ALK: variants seen among roughly 807,000 people sequenced by gnomAD.
ALK encodes the protein ALK receptor tyrosine kinase.
Under a neutral mutation model 163.1 loss-of-function variants are expected in ALK, and 74 were observed. That is an observed-to-expected ratio of 0.45 (90% CI 0.38 to 0.55). The LOEUF (loss-of-function observed/expected upper bound fraction) is 0.55. Among genes scored for constraint, ALK ranks in the 20% least tolerant of loss-of-function variants. The pLI is 0.00. For missense variants in ALK, 2,063 were observed against 2,105.3 expected, an observed-to-expected ratio of 0.98 and a Z score of 0.39; for synonymous variants, 960 against 843.2, an observed-to-expected ratio of 1.14 and a Z score of -2.40.
In ALK at chr2:29,910,013, AAAG is replaced by A. The variant is rs1667660795; in HGVS notation, c.667+9977_667+9979del. 2.0e-5 allele frequency among the ~76,000 whole-genome samples: 3 copies of A among 151,884 alleles called. No individual in the cohort carries two copies. The South Asian group carries it at 6.2e-4, about 31-fold the overall frequency. On this transcript the variant is annotated intron_variant, in intron 1 of 28. Coordinates refer to ENST00000389048, the MANE Select transcript of ALK (RefSeq NM_004304.5). ...AAAAAAAAACAACTGCAAGGTATGC[AAAG>A]AAGCAGGAAAATGTGACCTATTTCC...
intron 1 of ALK, among the ~76,000 whole-genome samples, chr2:29,838,357 A>T (rs1007129511): frequency 6.6e-6 from 1 of 152,194 alleles, no homozygotes; most frequent in Non-Finnish European, 1.5e-5. Context: ...ACAAATCTAC[A>T]GATCTAAGAA....
At chr2:29,890,634 T>C (rs1439247048) in intron 1 of ALK, 2 of 152,200 alleles carry the variant, frequency 1.3e-5, no homozygotes, top group African/African-American at 4.8e-5. Context: ...GTATATTCTC[T>C]CTCCACGGCC....
chr2:29,792,570 G>A (rs890223755), intron 1 of ALK, among the ~76,000 whole-genome samples: 6 of 152,102 alleles, frequency 3.9e-5, no homozygotes, highest in Non-Finnish European at 7.4e-5. Flanking sequence ...GATTTTCTAA[G>A]ATTAAAATCA....
intron 4 of ALK, among the ~76,000 whole-genome samples, chr2:29,455,416 C>T (rs569121551): frequency 6.6e-5 from 10 of 152,192 alleles, no homozygotes; most frequent in Non-Finnish European, 1.5e-4. Flanking sequence ...TTGGAGACTT[C>T]TGCTGTCCTG....
At chr2:29,326,141 G>A (rs187057418) in intron 6 of ALK, among the ~76,000 whole-genome samples, 1 of 152,202 alleles carries the variant, frequency 6.6e-6, no homozygotes, top group East Asian at 1.9e-4. Flanking sequence ...CTTTTCAAAT[G>A]TGGCTGAAAA....
At chr2:29,528,218 A>C (rs1673014085) in intron 4 of ALK, among the ~76,000 whole-genome samples, 1 of 152,192 alleles carries the variant, frequency 6.6e-6, no homozygotes, top group Non-Finnish European at 1.5e-5. Context: ...CTGCTGTGGG[A>C]AAAAGTCATG....
At chr2:29,366,277 T>C (rs913745490) in intron 5 of ALK, among the ~76,000 whole-genome samples, 3 of 151,974 alleles carry the variant, frequency 2.0e-5, no homozygotes, top group Non-Finnish European at 4.4e-5. Flanking sequence ...AGAGGGGCCC[T>C]GCAGGAGCAA....
In ALK at chr2:29,288,958, ATAAATAAAT is replaced by A. The variant is rs1216995644; in HGVS notation, c.1817+7921_1817+7929del. 2.2e-3 allele frequency among the ~76,000 whole-genome samples: 248 copies of A among 112,920 alleles called. 22 individuals are homozygous for A. The highest frequency in any genetic ancestry group is 7.8e-3 in the African/African-American group (235 of 29,968). 74.1% of individuals were successfully genotyped at this position (112,920 alleles called of 152,430 possible). ...CAGAGGGAGACTCCTTCTCAAAAAA[ATAAATAAAT>A]AAATAAATAAATAAATAAATAAATA... On this transcript the variant is annotated intron_variant, in intron 9 of 28. Transcript: ENST00000389048.
At chr2:29,655,110 GA>G (rs1479942863) in intron 3 of ALK, among the ~76,000 whole-genome samples, 3 of 152,088 alleles carry the variant, frequency 2.0e-5, no homozygotes, top group Non-Finnish European at 4.4e-5. Context: ...ATACTAATAG[GA>G]AAGTGCAAAA....
intron 1 of ALK, among the ~76,000 whole-genome samples, chr2:29,906,254 A>G (rs1205550341): frequency 1.3e-5 from 2 of 152,108 alleles, no homozygotes; most frequent in African/African-American, 2.4e-5. Flanking sequence ...TTCTCATTAT[A>G]TATTTATTTG....
At chr2:29,514,061 A>C (rs1202270533) in intron 4 of ALK, among the ~76,000 whole-genome samples, 1 of 101,206 alleles carries the variant, frequency 9.9e-6, no homozygotes, top group East Asian at 3.6e-4. Context: ...GAGACTGTAA[A>C]CTAGTTCAAC....
At chr2:29,195,900 G>A (rs1669011148) in intron 28 of ALK, among the ~76,000 whole-genome samples, 1 of 152,230 alleles carries the variant, frequency 6.6e-6, no homozygotes, top group African/African-American at 2.4e-5. Flanking sequence ...GATACTGGCA[G>A]CAAGGCTGGC....
chr2:29,232,581 G>A (rs1664245699), intron 14 of ALK, 133 bp from the exon 15 acceptor site: 1 of 1,207,072 alleles, frequency 8.3e-7, no homozygotes, highest in African/African-American at 1.5e-5. Context: ...AGTGGTCTGA[G>A]GTGGTTTGCG....
chr2:29,226,872 C>G, intron 18 of ALK, 50 bp downstream of exon 18: 1 of 1,611,460 alleles, frequency 6.2e-7, no homozygotes, highest in Admixed American at 1.7e-5. Flanking sequence ...GGTCATGGGC[C>G]AAATCTCAGG....
At position 29,227,802 on chromosome 2, in the gene ALK, G is replaced by T; in HGVS notation, c.2816-130C>A. 1.4e-6 allele frequency: 1 copy of T among 720,416 alleles called. No individual in the cohort carries two copies. The allele number at this position is 720,416 out of a possible 1,614,324, so 44.6% of individuals were successfully genotyped here. ...CACTGGGGACCTCAGGGGCAGGGAT[G>T]CGGGGAGGGAAGGGAGGCTCAGGGC... On this transcript the variant is annotated intron_variant, in intron 16 of 28. Transcript: ENST00000389048. This position sits in a 1 kb window ranked among gnomAD's most constrained non-coding sequence, Gnocchi z 4.4.
intron 1 of ALK, among the ~76,000 whole-genome samples, chr2:29,828,814 G>C (rs1335198283): frequency 6.6e-6 from 1 of 151,828 alleles, no homozygotes; most frequent in Non-Finnish European, 1.5e-5. Flanking sequence ...CCCATTACTG[G>C]GTATATACCC....
At chr2:29,468,806 A>T (rs562879896) in intron 4 of ALK, among the ~76,000 whole-genome samples, 54 of 140,232 alleles carry the variant, frequency 3.9e-4, no homozygotes, top group African/African-American at 1.4e-3. Context: ...GTAAGCTATG[A>T]TCACACCACT....
rs1163773431 is a variant in ALK, at chr2:29,209,154, A to C, written c.3836+632T>G. On this transcript the variant is annotated intron_variant, in intron 25 of 28. Coordinates refer to ENST00000389048, the MANE Select transcript of ALK (RefSeq NM_004304.5). ...GAGTTGAGGAAGTTCAATAAAGCTC[A>C]CTTTGAAGGTCTTTCCACATCAAGT... Among the ~76,000 whole-genome samples the C allele has an allele frequency of 3.3e-5, 5 of 152,136 alleles. No homozygotes were observed. In the South Asian group the frequency reaches 1.0e-3, roughly 32 times the overall value.
intron 3 of ALK, among the ~76,000 whole-genome samples, chr2:29,556,105 T>C (rs2148178984): frequency 6.6e-6 from 1 of 152,286 alleles, no homozygotes; most frequent in Middle Eastern, 3.4e-3. Flanking sequence ...CAGGAATTTG[T>C]ACCTGTGATA....
Sources: allele counts gnomAD v4.1 joint callset (sites outside exome capture counted in the v4.1 genomes callset), GRCh38; gene constraint gnomAD v4.1.1; non-coding constraint Gnocchi (gnomAD v3.1); transcripts MANE v1.5; gene names NCBI Gene and HGNC (gene_info 2026-07-23, HGNC 2026-07-21).